ITSN2: variants seen among roughly 807,000 people sequenced by gnomAD.
The protein encoded by ITSN2 is intersectin 2, also known as intersectin-2.
In ITSN2, 156 loss-of-function variants were observed where a neutral mutation model predicts 243.7. The observed-to-expected ratio is 0.64, with a 90% confidence interval of 0.56 to 0.73. The LOEUF (loss-of-function observed/expected upper bound fraction) is 0.73. Among genes scored for constraint, ITSN2 ranks in the 30% least tolerant of loss-of-function variants. The probability of loss-of-function intolerance (pLI) is 0.00; values close to 1 mark genes in which losing one functional copy is unlikely to be tolerated. For synonymous variants in ITSN2, 703 were observed against 699.9 expected, an observed-to-expected ratio of 1.00 and a Z score of -0.07; for missense variants, 1,801 against 1,996.1, an observed-to-expected ratio of 0.90 and a Z score of 1.86.
At chr2:24,238,679 G>A (rs1383526740) in intron 29 of ITSN2, among the ~76,000 whole-genome samples, 2 of 152,034 alleles carry the variant, frequency 1.3e-5, no homozygotes, top group African/African-American at 4.8e-5. Context: ...TTACTTTTGT[G>A]AGCAACAATG....
intron 17 of ITSN2, among the ~76,000 whole-genome samples, chr2:24,283,301 T>C (rs1251650013): frequency 3.9e-5 from 6 of 152,156 alleles, no homozygotes; most frequent in Non-Finnish European, 7.4e-5. Flanking sequence ...CTCGGCTCAC[T>C]GCAACCTCCG....
chr2:24,281,142 C>T lies in ITSN2; in HGVS notation c.1944+3621G>A, dbSNP rs544129975. On this transcript the variant is annotated intron_variant, in intron 17 of 39. Coordinates refer to ENST00000355123, the MANE Select transcript of ITSN2 (RefSeq NM_006277.3). ...CTCCCAGATTCAAGCAATTCTCCTG[C>T]CTCAGCCTCCCGAGTAGCTGGGATT... 2.0e-5 allele frequency among the ~76,000 whole-genome samples: 3 copies of T among 152,320 alleles called. No homozygotes were observed. The East Asian group carries it at 5.8e-4, about 29-fold the overall frequency.
intron 1 of ITSN2, among the ~76,000 whole-genome samples, chr2:24,351,580 T>C (rs907228277): frequency 6.6e-6 from 1 of 152,210 alleles, no homozygotes; most frequent in African/African-American, 2.4e-5. Flanking sequence ...TGGTCAACCA[T>C]GGTCTCAAAA....
intron 13 of ITSN2, among the ~76,000 whole-genome samples, chr2:24,297,341 G>A (rs1384333441): frequency 6.6e-6 from 1 of 152,126 alleles, no homozygotes; most frequent in Non-Finnish European, 1.5e-5. Flanking sequence ...GGATTCTAGG[G>A]TTGTGGCAGA....
intron 15 of ITSN2, among the ~76,000 whole-genome samples, chr2:24,288,538 T>C (rs1679819880): frequency 6.6e-6 from 1 of 152,158 alleles, no homozygotes. Flanking sequence ...TAAATCTATG[T>C]CTTTTGTAAT....
rs1384064131 is a variant in ITSN2, at chr2:24,298,713, G to A, written c.1446C>T (p.Val482=). 6.8e-6 allele frequency: 11 copies of A among 1,611,666 alleles called. No homozygotes were observed. Among genetic ancestry groups the A allele is most frequent in the Non-Finnish European group, 9.3e-6 (11 of 1,179,014 alleles). The part of the protein sequence containing the change: ...NQKNREQEEI[V]RLNSKKKNLH... ...GATTCTTCTTTTTAGAGTTTAACCTGACAATTTCTTCTTGTTCTCTATTCT... is the reference window on the plus strand; with the variant it reads ...GATTCTTCTTTTTAGAGTTTAACCTAACAATTTCTTCTTGTTCTCTATTCT... The change falls in exon 13 of 40, where the codon GTC becomes GTT. Residue 482 remains valine, a synonymous_variant. Transcript: ENST00000355123.
chr2:24,286,452 A>G, intron 15 of ITSN2, 101 bp from the exon 16 acceptor site: 2 of 934,850 alleles, frequency 2.1e-6, no homozygotes, highest in South Asian at 2.8e-5. Context: ...CTAGACCAAT[A>G]CGAAGGATGT....
intron 14 of ITSN2, among the ~76,000 whole-genome samples, chr2:24,294,077 T>C (rs1680629650): frequency 6.6e-6 from 1 of 152,306 alleles, no homozygotes. Context: ...AGACCTGCGC[T>C]AGATGGTATG....
chr2:24,330,391 T>C (rs556676380), intron 1 of ITSN2: 29 of 578,434 alleles, frequency 5.0e-5, no homozygotes, highest in Non-Finnish European at 7.6e-5. Context: ...CCTGCCACCG[T>C]TGCCACCACC....
At chr2:24,339,153 G>C (rs370711321) in intron 1 of ITSN2, among the ~76,000 whole-genome samples, 1 of 152,104 alleles carries the variant, frequency 6.6e-6, no homozygotes, top group Non-Finnish European at 1.5e-5. Context: ...AAAACTGTGC[G>C]ATTTGAGAGT....
At chr2:24,283,898 C>T (rs937311772) in intron 17 of ITSN2, among the ~76,000 whole-genome samples, 1 of 152,208 alleles carries the variant, frequency 6.6e-6, no homozygotes, top group African/African-American at 2.4e-5. Flanking sequence ...GTTCTAAAAA[C>T]CATATAATCT....
intron 15 of ITSN2, among the ~76,000 whole-genome samples, chr2:24,286,716 C>T (rs1032996883): frequency 3.3e-5 from 5 of 152,222 alleles, no homozygotes; most frequent in African/African-American, 1.2e-4. Flanking sequence ...CACTCTGGTC[C>T]ACAGTTAATA....
At chr2:24,236,629 G>A (rs1183119388) in intron 29 of ITSN2, among the ~76,000 whole-genome samples, 1 of 151,068 alleles carries the variant, frequency 6.6e-6, no homozygotes, top group Admixed American at 6.6e-5. Context: ...TTTTTACATA[G>A]AGAAAAGCCT....
chr2:24,208,899 C>A (rs566367444), intron 36 of ITSN2, among the ~76,000 whole-genome samples: 29 of 152,322 alleles, frequency 1.9e-4, no homozygotes, highest in African/African-American at 6.5e-4. Flanking sequence ...TGGGGAGAGA[C>A]TAGAAGCCGG....
chr2:24,235,186 T>C (rs960637076), intron 29 of ITSN2, among the ~76,000 whole-genome samples: 1 of 152,126 alleles, frequency 6.6e-6, no homozygotes, highest in African/African-American at 2.4e-5. Context: ...TGAAAAGATA[T>C]GGAGGAAACT....
chr2:24,288,673 A>T (rs1162481841), intron 15 of ITSN2, among the ~76,000 whole-genome samples: 1 of 152,154 alleles, frequency 6.6e-6, no homozygotes, highest in Non-Finnish European at 1.5e-5. Flanking sequence ...TTTTGTGGTG[A>T]AAACACTTAA....
At chr2:24,322,887 C>A (rs1684746791) in intron 2 of ITSN2, among the ~76,000 whole-genome samples, 1 of 151,616 alleles carries the variant, frequency 6.6e-6, no homozygotes, top group Admixed American at 6.6e-5. Context: ...TAATCCCCCC[C>A]CTCAAAAAAA....
At chr2:24,259,957 T>G (rs151212973) in intron 22 of ITSN2, among the ~76,000 whole-genome samples, 1,850 of 152,352 alleles carry the variant, frequency 0.012, 22 homozygotes, top group South Asian at 0.028. Flanking sequence ...GGGCTCACTC[T>G]ATTGCCCAGG....
chr2:24,313,146 C>A (rs958840265), intron 4 of ITSN2, among the ~76,000 whole-genome samples: 3 of 144,804 alleles, frequency 2.1e-5, no homozygotes, highest in African/African-American at 7.7e-5. Context: ...TGCAGTGACA[C>A]AATCATAGTT....
Sources: gnomAD v4.1 joint callset for allele counts (sites outside exome capture counted in the v4.1 genomes callset) on GRCh38, gnomAD v4.1.1 for gene constraint, MANE v1.5 for transcripts, NCBI Gene and HGNC (gene_info 2026-07-23, HGNC 2026-07-21) for gene names.